The following ETV6 variants were observed in gnomAD, a reference collection of about 807,000 sequenced individuals.
The protein encoded by ETV6 is ETS variant transcription factor 6.
ETV6 carries 16 observed loss-of-function variants against 51.1 expected under a neutral mutation model. The ratio of observed to expected loss-of-function variants is 0.31; its 90% CI spans 0.21 to 0.48. The LOEUF (loss-of-function observed/expected upper bound fraction) is 0.48, where lower values mean the gene tolerates loss of function less well. Ranked by LOEUF, ETV6 falls within the 20% of genes least tolerant of loss-of-function variation. The pLI, the probability that ETV6 is intolerant of heterozygous loss-of-function variation, is 0.99. For missense variants in ETV6, 458 were observed against 594.8 expected (o/e 0.77, Z 2.39); for synonymous variants, 240 against 224.1 (o/e 1.07, Z -0.64).
intron 2 of ETV6, among the ~76,000 whole-genome samples, chr12:11,776,831 G>A (rs1218840841): frequency 6.6e-6 from 1 of 152,170 alleles, no homozygotes; most frequent in East Asian, 1.9e-4. Context: ...AACACTCTCC[G>A]ATGCTGACAA....
Position 11,665,536 on chromosome 12 carries a change from A to G in ETV6, c.33+15376A>G, listed in dbSNP as rs779972728. 4.9e-4 allele frequency among the ~76,000 whole-genome samples: 75 copies of G among 152,326 alleles called. No individual in the cohort carries two copies. The Middle Eastern group carries it at 0.014, about 28-fold the overall frequency. ...CTGATGGGTTCATTTTTATATTTCC[A>G]GTGTCCAGCTCAAGGTCTGGCACAG... On this transcript the variant is annotated intron_variant, in intron 1 of 7. Transcript: ENST00000396373.
At chr12:11,702,238 T>A (rs1321624927) in intron 1 of ETV6, among the ~76,000 whole-genome samples, 3 of 152,168 alleles carry the variant, frequency 2.0e-5, no homozygotes, top group Non-Finnish European at 4.4e-5. Context: ...CATGGTCAGG[T>A]GCATCGGGCC....
At chr12:11,868,675 A>G (rs563797921) in intron 4 of ETV6, among the ~76,000 whole-genome samples, 79 of 151,910 alleles carry the variant, frequency 5.2e-4, no homozygotes, top group Non-Finnish European at 8.5e-4. Context: ...TATTACTAAT[A>G]TTATTAACAT....
At chr12:11,650,192 G>A in intron 1 of ETV6, 32 bp downstream of exon 1, 1 of 1,603,328 alleles carries the variant, frequency 6.2e-7, no homozygotes, top group Non-Finnish European at 8.5e-7. Context: ...TCTACGTGGT[G>A]GAAACCCTGA....
chr12:11,842,033 G>A (rs1261341541), intron 3 of ETV6, among the ~76,000 whole-genome samples: 1 of 144,848 alleles, frequency 6.9e-6, no homozygotes, highest in Non-Finnish European at 1.5e-5. Flanking sequence ...AGTGAGCCGA[G>A]ATCCCGCCAC....
intron 1 of ETV6, among the ~76,000 whole-genome samples, chr12:11,691,435 C>T (rs1864761549): frequency 6.6e-6 from 1 of 152,190 alleles, no homozygotes; most frequent in Non-Finnish European, 1.5e-5. Flanking sequence ...ACCCTGTATA[C>T]ATCTATGTTT....
chr12:11,772,561 G>A (rs921088260), intron 2 of ETV6, among the ~76,000 whole-genome samples: 1 of 152,140 alleles, frequency 6.6e-6, no homozygotes, highest in Non-Finnish European at 1.5e-5. Context: ...TTAATCTTTG[G>A]GGTATAGGGG....
intron 2 of ETV6, among the ~76,000 whole-genome samples, chr12:11,781,810 T>C (rs1945418608): frequency 6.6e-6 from 1 of 152,202 alleles, no homozygotes; most frequent in Admixed American, 6.5e-5. Context: ...TTTCCTACTT[T>C]ATGGCTTCTA....
chr12:11,868,964 C>T (rs1309730460), intron 4 of ETV6, among the ~76,000 whole-genome samples: 8 of 152,102 alleles, frequency 5.3e-5, no homozygotes, highest in South Asian at 2.1e-4. Context: ...AGGCCAGGCG[C>T]GGTGGCTCAC....
intron 5 of ETV6, among the ~76,000 whole-genome samples, chr12:11,871,008 G>A (rs1283205962): frequency 1.3e-5 from 2 of 152,062 alleles, no homozygotes; most frequent in African/African-American, 2.4e-5. Flanking sequence ...CTGTGCTTTC[G>A]ATAGTGGGAA....
intron 4 of ETV6, among the ~76,000 whole-genome samples, chr12:11,854,449 G>A (rs1388223709): frequency 6.6e-6 from 1 of 152,202 alleles, no homozygotes; most frequent in Non-Finnish European, 1.5e-5. Flanking sequence ...CAAGGATGAA[G>A]TGAAGAACAT....
intron 1 of ETV6, among the ~76,000 whole-genome samples, chr12:11,651,133 C>T (rs1863898486): frequency 1.3e-5 from 2 of 152,212 alleles, no homozygotes; most frequent in South Asian, 2.1e-4. Flanking sequence ...ATTTATTGTA[C>T]ACTTTATTCA....
At chr12:11,888,113 TCAA>T (rs1427540081) in intron 7 of ETV6, among the ~76,000 whole-genome samples, 1 of 152,236 alleles carries the variant, frequency 6.6e-6, no homozygotes, top group Non-Finnish European at 1.5e-5. Flanking sequence ...CGGGATTCAC[TCAA>T]CAACGTCTTT....
intron 1 of ETV6, among the ~76,000 whole-genome samples, chr12:11,732,685 C>T (rs1358156777): frequency 2.6e-5 from 4 of 152,118 alleles, no homozygotes; most frequent in African/African-American, 7.2e-5. Flanking sequence ...ACACACAGAC[C>T]ACCCCGTCCT....
At position 11,748,845 on chromosome 12, in the gene ETV6, A is replaced by C. The variant is rs923011286; in HGVS notation, c.34-3605A>C. 2.6e-5 allele frequency among the ~76,000 whole-genome samples: 4 copies of C among 152,172 alleles called. No homozygotes were observed. The South Asian group carries it at 8.3e-4, about 32-fold the overall frequency. On this transcript the variant is annotated intron_variant, in intron 1 of 7. Coordinates refer to ENST00000396373, the MANE Select transcript of ETV6 (RefSeq NM_001987.5). ...AGGGAACGCAGCTCATTTTGGCTTC[A>C]GTCCTTACGCTTTCAAGAGACAACC...
chr12:11,735,518 A>G (rs1027606462), intron 1 of ETV6, among the ~76,000 whole-genome samples: 5 of 152,216 alleles, frequency 3.3e-5, no homozygotes, highest in Non-Finnish European at 7.4e-5. Context: ...GCTTGGCGTG[A>G]TCAAAGAAAA....
intron 1 of ETV6, among the ~76,000 whole-genome samples, chr12:11,668,985 C>T (rs1864251442): frequency 6.6e-6 from 1 of 152,178 alleles, no homozygotes; most frequent in African/African-American, 2.4e-5. Flanking sequence ...GTCTTCAGAT[C>T]CCTACAACTC....
chr12:11,741,553 G>A (rs1479824578), intron 1 of ETV6, among the ~76,000 whole-genome samples: 1 of 152,174 alleles, frequency 6.6e-6, no homozygotes, highest in East Asian at 1.9e-4. Flanking sequence ...AAGCTGAGAA[G>A]CCTTCCTTGG....
chr12:11,891,273 T>TC lies in ETV6; in HGVS notation c.*229dup, dbSNP rs1382639259. The TC allele has an allele frequency of 6.4e-6, 3 of 470,862 alleles. No homozygotes were observed. In the East Asian group the frequency reaches 1.1e-4, roughly 17 times the overall value. 29.2% of individuals were successfully genotyped at this position (470,862 alleles called of 1,614,324 possible). On this transcript the variant is annotated 3_prime_UTR_variant, in exon 8 of 8. Coordinates refer to ENST00000396373, the MANE Select transcript of ETV6 (RefSeq NM_001987.5). Reference sequence around the variant, plus strand: ...CTGGCGGAGGGCATGAGCCTGGGACTCCATGTCACGTTTCCTTCTGATTTG... The same window carrying TC: ...CTGGCGGAGGGCATGAGCCTGGGACTCCCATGTCACGTTTCCTTCTGATTTG...
Sources: allele counts gnomAD v4.1 joint callset (sites outside exome capture counted in the v4.1 genomes callset), GRCh38; gene constraint gnomAD v4.1.1; transcripts MANE v1.5; gene names NCBI Gene and HGNC (gene_info 2026-07-23, HGNC 2026-07-21).